CD44: variants seen among roughly 807,000 people sequenced by gnomAD.
CD44 encodes CD44 antigen.
CD44 carries 49 observed loss-of-function variants against 88.8 expected under a neutral mutation model. The observed-to-expected ratio is 0.55, with a 90% CI of 0.44 to 0.70. The LOEUF is 0.70. CD44 is among the 30% of genes least tolerant of loss of function. The probability of loss-of-function intolerance (pLI) is 0.00; values close to 1 mark genes in which losing one functional copy is unlikely to be tolerated. For missense variants in CD44, 883 were observed against 913.8 expected (o/e 0.97, Z 0.43); for synonymous variants, 325 against 312.3 (o/e 1.04, Z -0.43).
chr11:35,147,522 C>T (rs550657737), intron 1 of CD44, among the ~76,000 whole-genome samples: 1 of 152,274 alleles, frequency 6.6e-6, no homozygotes, highest in South Asian at 2.1e-4. Flanking sequence ...GGAGGCAAGG[C>T]CCCCTGGGAA....
chr11:35,148,262 C>A (rs1175748728), intron 1 of CD44, among the ~76,000 whole-genome samples: 2 of 152,142 alleles, frequency 1.3e-5, no homozygotes, highest in Admixed American at 6.5e-5. Flanking sequence ...TGCTGAGTAT[C>A]CAGTCAAAAA....
Position 35,229,753 on chromosome 11 carries a change from C to T in CD44, c.*420C>T, listed in dbSNP as rs777891660. On this transcript the variant is annotated 3_prime_UTR_variant, in exon 18 of 18. Transcript: ENST00000428726. ...ATGGGTCCATTTTGCCCTTCCATAGCCTAATCCCTGGGCATTGCTTTCCAC... is the reference window on the plus strand; with the variant it reads ...ATGGGTCCATTTTGCCCTTCCATAGTCTAATCCCTGGGCATTGCTTTCCAC... 3 of 187,046 alleles carry T rather than the reference C, an allele frequency of 1.6e-5. No homozygotes were observed. Among genetic ancestry groups the T allele is most frequent in the Non-Finnish European group, 3.4e-5 (3 of 88,194 alleles). 11.6% of individuals were successfully genotyped at this position (187,046 alleles called of 1,614,324 possible).
chr11:35,224,987 T>G (rs779675932), intron 17 of CD44, among the ~76,000 whole-genome samples: 3 of 152,184 alleles, frequency 2.0e-5, no homozygotes. Context: ...TCCTGCAATC[T>G]GAGCTCACCC....
At position 35,230,571 on chromosome 11, in the gene CD44, T is replaced by C. The variant is rs1473080836; in HGVS notation, c.*1238T>C. 3 of 152,220 alleles carry C rather than the reference T, an allele frequency of 2.0e-5. No individual in the cohort carries two copies. The highest frequency in any genetic ancestry group is 4.8e-5 in the African/African-American group (2 of 41,448). 9.4% of individuals were successfully genotyped at this position (152,220 alleles called of 1,614,324 possible). On this transcript the variant is annotated 3_prime_UTR_variant, in exon 18 of 18. Coordinates refer to ENST00000428726, the MANE Select transcript of CD44 (RefSeq NM_000610.4). Reference sequence around the variant, plus strand: ...ATTTGTAAACTTAAACACACCAGTGTCTGTTCTTGATGCAGTTGCTATTTA... The same window carrying C: ...ATTTGTAAACTTAAACACACCAGTGCCTGTTCTTGATGCAGTTGCTATTTA...
Position 35,190,082 on chromosome 11 carries a change from A to G in CD44, c.667+17A>G, listed in dbSNP as rs779459647. 1 of 1,599,476 alleles carries G rather than the reference A, an allele frequency of 6.3e-7. No homozygotes were observed. The highest frequency in any genetic ancestry group is 8.6e-7 in the Non-Finnish European group (1 of 1,166,578). On this transcript the variant is annotated intron_variant, in intron 5 of 17. Transcript: ENST00000428726. ...CTGCTACCAGTAAGGAGAATAAATC[A>G]CTGTGCTTCCCAATAGCAATTCCCT...
At chr11:35,228,893 T>C (rs1362907094) in intron 17 of CD44, among the ~76,000 whole-genome samples, 1 of 152,198 alleles carries the variant, frequency 6.6e-6, no homozygotes, top group Non-Finnish European at 1.5e-5. Flanking sequence ...TCCAAGATGA[T>C]GCTTTTGCTG....
At chr11:35,211,674 ATGTGTGTG>A (rs57790931) in intron 14 of CD44, among the ~76,000 whole-genome samples, 8,203 of 149,076 alleles carry the variant, frequency 0.055, 791 homozygotes, top group African/African-American at 0.19. Context: ...CTGTGTTTGC[ATGTGTGTG>A]TGTGTGTGTG....
In CD44 at chr11:35,139,380, C is replaced by T. The variant is rs374108305; in HGVS notation, c.67+10C>T. 8.4e-6 allele frequency: 13 copies of T among 1,555,570 alleles called. No individual in the cohort carries two copies. The African/African-American group carries it at 1.4e-4, about 16-fold the overall frequency. On this transcript the variant is annotated intron_variant, in intron 1 of 17. Transcript: ENST00000428726. ...AGCCTGGCGCAGATCGGTGAGTGCC[C>T]GCCGCAGCCTGGGCAGCAAGATGGG...
Position 35,181,021 on chromosome 11 carries a change from G to A in CD44, c.367+614G>A, listed in dbSNP as rs567466729. 7.2e-5 allele frequency among the ~76,000 whole-genome samples: 11 copies of A among 152,308 alleles called. No homozygotes were observed. In the South Asian group the frequency reaches 2.1e-3, roughly 29 times the overall value. ...GAGAATGCCAAGGAATAAAGTCAGA[G>A]AGCTAAGCAAGGGCCAGCTAACGGG... On this transcript the variant is annotated intron_variant, in intron 3 of 17. Coordinates refer to ENST00000428726, the MANE Select transcript of CD44 (RefSeq NM_000610.4).
intron 1 of CD44, among the ~76,000 whole-genome samples, chr11:35,169,436 A>T (rs930667303): frequency 1.3e-5 from 2 of 148,690 alleles, no homozygotes; most frequent in African/African-American, 4.9e-5. Flanking sequence ...ACACACACAC[A>T]CACACATCCA....
chr11:35,174,950 A>G (rs890459680), intron 1 of CD44, among the ~76,000 whole-genome samples: 1 of 152,224 alleles, frequency 6.6e-6, no homozygotes, highest in Non-Finnish European at 1.5e-5. Flanking sequence ...ACACACATCA[A>G]TAGATGACCA....
At chr11:35,151,985 C>G (rs1450340432) in intron 1 of CD44, among the ~76,000 whole-genome samples, 1 of 152,236 alleles carries the variant, frequency 6.6e-6, no homozygotes, top group Non-Finnish European at 1.5e-5. Context: ...CAACTGCAAA[C>G]TGAGAAGACA....
intron 14 of CD44, among the ~76,000 whole-genome samples, chr11:35,212,390 C>CAT (rs1265034311): frequency 1.3e-5 from 2 of 150,632 alleles, no homozygotes. Flanking sequence ...CATATGTGTG[C>CAT]ATATATATAT....
rs1357018053 is a variant in CD44, at chr11:35,201,122, C to T, written c.963C>T (p.Asn321=). 1 of 1,614,090 alleles carries T rather than the reference C, an allele frequency of 6.2e-7. No individual in the cohort carries two copies. Among genetic ancestry groups the T allele is most frequent in the Non-Finnish European group, 8.5e-7 (1 of 1,179,940 alleles). ...TPRAFDHTKQ[N]QDWTQWNPSH... ...GGGCTTTTGACCACACAAAACAGAA[C>T]CAGGACTGGACCCAGTGGAACCCAA... Residue 321 remains asparagine (N), a synonymous_variant, in exon 8 of 18, where the codon AAC becomes AAT. Transcript: ENST00000428726.
chr11:35,210,734 T>G (rs1348074212), intron 13 of CD44: 1 of 157,964 alleles, frequency 6.3e-6, no homozygotes, highest in East Asian at 1.9e-4. Context: ...CCTTTTGTCC[T>G]CTGGACCTCC....
Position 35,211,318 on chromosome 11 carries a change from A to G in CD44, c.1679A>G (p.Tyr560Cys). ...GGCTCAACTACTTTACTGGAAGGTTATACCTCTCATTACCCACACACGAAG... is the reference window on the plus strand; with the variant it reads ...GGCTCAACTACTTTACTGGAAGGTTGTACCTCTCATTACCCACACACGAAG... ...SEGSTTLLEGYTSHYPHTKES... is the reference protein window; with the variant it reads ...SEGSTTLLEGCTSHYPHTKES... The change falls in exon 14 of 18, where the codon TAT (tyrosine) becomes TGT (cysteine). Residue 560 changes from tyrosine (Y) to cysteine (C), a missense_variant. Physicochemically the swap from Tyr to Cys is radical, Grantham distance 194 (BLOSUM62 -2). Coordinates refer to ENST00000428726, the MANE Select transcript of CD44 (RefSeq NM_000610.4). 1 of 1,614,030 alleles carries G rather than the reference A, an allele frequency of 6.2e-7. No homozygotes were observed. The highest frequency in any genetic ancestry group is 8.5e-7 in the Non-Finnish European group (1 of 1,179,918).
At chr11:35,202,746 T>G (rs1318228533) in intron 9 of CD44, among the ~76,000 whole-genome samples, 6 of 152,152 alleles carry the variant, frequency 3.9e-5, no homozygotes, top group Admixed American at 3.9e-4. Context: ...GTACTGAATA[T>G]ATCCAGCAGA....
At chr11:35,142,348 C>T (rs1858160708) in intron 1 of CD44, among the ~76,000 whole-genome samples, 1 of 152,188 alleles carries the variant, frequency 6.6e-6, no homozygotes, top group Non-Finnish European at 1.5e-5. Flanking sequence ...AAGACACATG[C>T]ACATGTATGT....
intron 1 of CD44, among the ~76,000 whole-genome samples, chr11:35,165,498 G>C (rs1435419355): frequency 6.6e-6 from 1 of 152,208 alleles, no homozygotes; most frequent in Non-Finnish European, 1.5e-5. Flanking sequence ...TTTATAATTG[G>C]TGAAGGAAAC....
Sources: allele counts gnomAD v4.1 joint callset (sites outside exome capture counted in the v4.1 genomes callset), GRCh38; gene constraint gnomAD v4.1.1; transcripts MANE v1.5; gene names NCBI Gene and HGNC (gene_info 2026-07-23, HGNC 2026-07-21).